The following GALNT13 variants were observed in gnomAD, a reference collection of about 807,000 sequenced individuals.
GALNT13 encodes the protein polypeptide N-acetylgalactosaminyltransferase 13.
In GALNT13, 28 loss-of-function variants were observed where a neutral mutation model predicts 64.2. The ratio of observed to expected loss-of-function variants is 0.44; its 90% CI spans 0.32 to 0.60. The LOEUF (loss-of-function observed/expected upper bound fraction) is 0.60. Among genes scored for constraint, GALNT13 ranks in the 20% least tolerant of loss-of-function variants. The pLI is 0.05. For synonymous variants in GALNT13, 214 were observed against 224.6 expected, an observed-to-expected ratio of 0.95 and a Z score of 0.42; for missense variants, 577 against 669.8, an observed-to-expected ratio of 0.86 and a Z score of 1.53.
At chr2:153,841,769 G>A in the GALNT13 span, among the ~76,000 whole-genome samples, 1 of 152,120 alleles carries the variant, frequency 6.6e-6, no homozygotes. Flanking sequence ...TATAACTTCT[G>A]AAAGTATAAA....
At chr2:153,140,369 A>C in the GALNT13 span, among the ~76,000 whole-genome samples, 1 of 152,040 alleles carries the variant, frequency 6.6e-6, no homozygotes, top group Admixed American at 6.6e-5. Flanking sequence ...AAGGATTCCA[A>C]AGGTTGTATA....
At chr2:153,831,580 G>A in the GALNT13 span, among the ~76,000 whole-genome samples, 1 of 152,082 alleles carries the variant, frequency 6.6e-6, no homozygotes, top group Non-Finnish European at 1.5e-5. Flanking sequence ...CAGAAACCCA[G>A]CACCGTTGCC....
chr2:153,408,111 G>T, the GALNT13 span, among the ~76,000 whole-genome samples: 1 of 152,186 alleles, frequency 6.6e-6, no homozygotes, highest in East Asian at 1.9e-4. Context: ...GTTAGAATTA[G>T]CTGAGAGAGC....
At chr2:153,845,264 C>T in the GALNT13 span, among the ~76,000 whole-genome samples, 4 of 152,124 alleles carry the variant, frequency 2.6e-5, no homozygotes, top group Non-Finnish European at 5.9e-5. Flanking sequence ...GATTAATTGG[C>T]TCATGGTTCT....
chr2:153,519,406 ACAG>A, the GALNT13 span, among the ~76,000 whole-genome samples: 1 of 152,208 alleles, frequency 6.6e-6, no homozygotes, highest in Non-Finnish European at 1.5e-5. Flanking sequence ...ATAGGAAATT[ACAG>A]TCAACAGGAT....
chr2:153,924,257 T>C (rs1220341178), intron 2 of GALNT13, among the ~76,000 whole-genome samples: 1 of 136,850 alleles, frequency 7.3e-6, no homozygotes, highest in Non-Finnish European at 1.6e-5. Flanking sequence ...TTTGCCCCCA[T>C]GTGTCTATGT....
chr2:153,141,714 C>A, the GALNT13 span, among the ~76,000 whole-genome samples: 2 of 151,954 alleles, frequency 1.3e-5, no homozygotes, highest in Admixed American at 1.3e-4. Context: ...CCACTAGTTA[C>A]GACTGTTTTG....
At chr2:153,218,810 C>T in the GALNT13 span, among the ~76,000 whole-genome samples, 127,432 of 152,224 alleles carry the variant, frequency 0.84, 54,556 homozygotes, top group African/African-American at 0.93. Context: ...AGTCTTCCTC[C>T]GGCAGCATCT....
chr2:154,306,738 G>T (rs1693762822), intron 9 of GALNT13, among the ~76,000 whole-genome samples: 1 of 151,914 alleles, frequency 6.6e-6, no homozygotes, highest in Non-Finnish European at 1.5e-5. Context: ...GGTTGAGCCA[G>T]ATTACCCGTC....
the GALNT13 span, among the ~76,000 whole-genome samples, chr2:153,572,012 G>T: frequency 1.3e-5 from 2 of 151,670 alleles, no homozygotes; most frequent in African/African-American, 4.8e-5. Flanking sequence ...GAATAGTTGG[G>T]TAGGGTTAAT....
the GALNT13 span, among the ~76,000 whole-genome samples, chr2:153,094,353 G>A: frequency 6.6e-6 from 1 of 151,986 alleles, no homozygotes; most frequent in Non-Finnish European, 1.5e-5. Flanking sequence ...CCTCTTCAAG[G>A]AGAACTACAA....
intron 9 of GALNT13, among the ~76,000 whole-genome samples, chr2:154,362,161 T>C (rs1342712492): frequency 6.6e-6 from 1 of 151,998 alleles, no homozygotes; most frequent in Non-Finnish European, 1.5e-5. Flanking sequence ...AGAATTGGCA[T>C]TAAGAATTGG....
intron 3 of GALNT13, among the ~76,000 whole-genome samples, chr2:154,016,393 G>T (rs978318450): frequency 3.5e-4 from 53 of 152,108 alleles, no homozygotes; most frequent in African/African-American, 1.3e-3. Flanking sequence ...CTATTCAGAA[G>T]ATTTATATTG....
the GALNT13 span, among the ~76,000 whole-genome samples, chr2:153,196,316 C>G: frequency 6.6e-6 from 1 of 151,896 alleles, no homozygotes; most frequent in Non-Finnish European, 1.5e-5. Flanking sequence ...CCTTCAGATT[C>G]CCCCTGTATG....
the GALNT13 span, among the ~76,000 whole-genome samples, chr2:153,708,643 G>A: frequency 6.6e-6 from 1 of 152,080 alleles, no homozygotes; most frequent in Non-Finnish European, 1.5e-5. Flanking sequence ...AAGAGATTTT[G>A]TTTATACAGA....
At chr2:153,714,526 A>C in the GALNT13 span, among the ~76,000 whole-genome samples, 7 of 152,350 alleles carry the variant, frequency 4.6e-5, no homozygotes, top group South Asian at 1.4e-3. Flanking sequence ...TTCTAAATTA[A>C]ATGAATATAT....
chr2:154,153,264 A>G (rs1490769384), intron 4 of GALNT13, among the ~76,000 whole-genome samples: 1 of 151,676 alleles, frequency 6.6e-6, no homozygotes, highest in Non-Finnish European at 1.5e-5. Context: ...TGAACCGCGA[A>G]TGCTGCTGTC....
chr2:153,874,226 T>C (rs1686202310), intron 1 of GALNT13, among the ~76,000 whole-genome samples: 1 of 151,960 alleles, frequency 6.6e-6, no homozygotes, highest in African/African-American at 2.4e-5. Flanking sequence ...AGGCAGACTT[T>C]GAACATTAAA....
At chr2:153,110,736 T>C in the GALNT13 span, among the ~76,000 whole-genome samples, 1 of 152,132 alleles carries the variant, frequency 6.6e-6, no homozygotes, top group Non-Finnish European at 1.5e-5. Context: ...TGGGGCAAGA[T>C]CCTTTATTGC....
Sources: gnomAD v4.1 joint callset for allele counts (sites outside exome capture counted in the v4.1 genomes callset) on GRCh38, gnomAD v4.1.1 for gene constraint, MANE v1.5 for transcripts, NCBI Gene and HGNC (gene_info 2026-07-23, HGNC 2026-07-21) for gene names.